ENTHD1: variants seen among roughly 807,000 people sequenced by gnomAD.
ENTHD1 encodes ENTH domain containing 1.
ENTHD1 carries 23 observed loss-of-function variants against 39.1 expected under a neutral mutation model. The observed-to-expected ratio is 0.59, with a 90% CI of 0.42 to 0.83. The LOEUF (loss-of-function observed/expected upper bound fraction) is 0.83. ENTHD1 is among the 40% of genes least tolerant of loss of function. The pLI, the probability that ENTHD1 is intolerant of heterozygous loss-of-function variation, is 0.00. For synonymous variants in ENTHD1, 230 were observed against 258.2 expected (o/e 0.89, Z 1.05); for missense variants, 624 against 705.4 (o/e 0.88, Z 1.31).
At chr22:39,801,762 G>A (rs2065600245) in intron 5 of ENTHD1, among the ~76,000 whole-genome samples, 1 of 151,934 alleles carries the variant, frequency 6.6e-6, no homozygotes, top group African/African-American at 2.4e-5. Flanking sequence ...TTTTAGTAAG[G>A]GACTGGGCAT....
At chr22:39,825,408 T>C (rs1288158807) in intron 4 of ENTHD1, among the ~76,000 whole-genome samples, 2 of 152,202 alleles carry the variant, frequency 1.3e-5, no homozygotes, top group African/African-American at 4.8e-5. Flanking sequence ...AGTTTTCTTT[T>C]TCTGTACCTT....
At chr22:39,842,540 T>C (rs993190891) in intron 3 of ENTHD1, among the ~76,000 whole-genome samples, 6 of 152,192 alleles carry the variant, frequency 3.9e-5, no homozygotes, top group Non-Finnish European at 8.8e-5. Context: ...ATTCAGGACA[T>C]AGGCATGGGC....
chr22:39,849,081 T>C (rs1357496561), intron 3 of ENTHD1, among the ~76,000 whole-genome samples: 2 of 152,182 alleles, frequency 1.3e-5, no homozygotes, highest in African/African-American at 4.8e-5. Flanking sequence ...CCTGCATCCA[T>C]ACCACAGTGT....
At chr22:39,836,074 A>G in intron 3 of ENTHD1, 116 bp from the exon 4 acceptor site, 1 of 644,560 alleles carries the variant, frequency 1.6e-6, no homozygotes, top group Non-Finnish European at 2.6e-6. Context: ...CCTGCTAAAT[A>G]TAAACCATCT....
At chr22:39,813,360 A>C (rs1313655508) in intron 5 of ENTHD1, among the ~76,000 whole-genome samples, 1 of 152,274 alleles carries the variant, frequency 6.6e-6, no homozygotes, top group African/African-American at 2.4e-5. Context: ...ACATAGATGC[A>C]AAACTCCTAA....
rs1215261683 is a variant in ENTHD1 at position 39,841,662 on chromosome 22, C to T, written c.593-5704G>A. On this transcript the variant is annotated intron_variant, in intron 3 of 6. Coordinates refer to ENST00000325157, the MANE Select transcript of ENTHD1 (RefSeq NM_152512.4). ...CGTGAGATGGGTTTCCTGAATACAG[C>T]ACACTGATGGGTCTTGACTCTTTAT... Among the ~76,000 whole-genome samples the T allele has an allele frequency of 3.3e-5, 5 of 150,958 alleles. No homozygotes were observed. The East Asian group carries it at 7.7e-4, about 23-fold the overall frequency.
chr22:39,836,194 ATTTTC>A (rs2065906910), intron 3 of ENTHD1, among the ~76,000 whole-genome samples: 2 of 152,248 alleles, frequency 1.3e-5, no homozygotes, highest in Non-Finnish European at 2.9e-5. Context: ...AAATAAAATT[ATTTTC>A]TTTATATTTG....
chr22:39,755,077 G>T (rs534997067), intron 6 of ENTHD1, among the ~76,000 whole-genome samples: 2 of 152,290 alleles, frequency 1.3e-5, no homozygotes, highest in Admixed American at 6.5e-5. Flanking sequence ...TGTGTTTGCT[G>T]CTGGGGATGC....
chr22:39,887,332 C>G (rs2066386560), intron 2 of ENTHD1, 68 bp downstream of exon 2: 3 of 1,384,230 alleles, frequency 2.2e-6, no homozygotes, highest in Non-Finnish European at 2.0e-6. Flanking sequence ...CCACCTCAGC[C>G]TCCCATGCAC....
intron 5 of ENTHD1, among the ~76,000 whole-genome samples, chr22:39,809,761 T>C (rs2146630247): frequency 6.6e-6 from 1 of 152,230 alleles, no homozygotes; most frequent in African/African-American, 2.4e-5. Context: ...GATGGTGCAA[T>C]GGAATTGGGT....
chr22:39,765,775 G>C (rs1025645849), intron 5 of ENTHD1, among the ~76,000 whole-genome samples, 166 bp from the exon 6 acceptor site: 2 of 151,698 alleles, frequency 1.3e-5, no homozygotes, highest in African/African-American at 4.8e-5. Flanking sequence ...CCTATTTAAA[G>C]TACACCCAAG....
chr22:39,876,105 T>C (rs888608474), intron 2 of ENTHD1: 1 of 1,603,280 alleles, frequency 6.2e-7, no homozygotes, highest in Admixed American at 1.7e-5. Context: ...GATATGGTGA[T>C]TGTTGGTTAG....
At chr22:39,822,737 A>C (rs2065793218) in intron 4 of ENTHD1, among the ~76,000 whole-genome samples, 1 of 152,194 alleles carries the variant, frequency 6.6e-6, no homozygotes, top group African/African-American at 2.4e-5. Flanking sequence ...ACTACATAGT[A>C]GTAGTATAGC....
chr22:39,815,602 C>T (rs575561231), intron 5 of ENTHD1, among the ~76,000 whole-genome samples: 15 of 152,286 alleles, frequency 9.8e-5, no homozygotes, highest in African/African-American at 3.6e-4. Context: ...ATGTTCATAT[C>T]TAACCGTACG....
rs199770047 is a variant in ENTHD1, at chr22:39,891,610, T to TA, written c.-156+2084dup. 9.4e-4 allele frequency among the ~76,000 whole-genome samples: 141 copies of TA among 149,770 alleles called. 1 individual carries two copies. The highest frequency in any genetic ancestry group is 2.4e-4 in the Non-Finnish European group (16 of 67,286). ...GTGCATACCACCAAGCCTAACTAAT[T>TA]AAAAAAAAAATTTTATTTTTTTTTT... is the stretch of plus-strand genomic sequence containing the variant. On this transcript the variant is annotated intron_variant, in intron 1 of 6. Transcript: ENST00000325157.
chr22:39,793,644 T>C (rs1285225162), intron 5 of ENTHD1, among the ~76,000 whole-genome samples: 1 of 151,532 alleles, frequency 6.6e-6, no homozygotes, highest in Non-Finnish European at 1.5e-5. Flanking sequence ...TTTAGCTCTT[T>C]AATCCGGGGT....
At chr22:39,871,157 G>A (rs1254071402) in intron 2 of ENTHD1, among the ~76,000 whole-genome samples, 5 of 150,638 alleles carry the variant, frequency 3.3e-5, no homozygotes, top group Non-Finnish European at 5.9e-5. Context: ...GCAATGGAGT[G>A]AGAGCCCATC....
chr22:39,805,423 GAGGGTGGCAGA>G (rs2065632668), intron 5 of ENTHD1, among the ~76,000 whole-genome samples: 1 of 152,192 alleles, frequency 6.6e-6, no homozygotes, highest in African/African-American at 2.4e-5. Context: ...TTAGCTGAGC[GAGGGTGGCAGA>G]AGTGAAAGGG....
intron 6 of ENTHD1, among the ~76,000 whole-genome samples, chr22:39,748,646 A>G (rs2065125846): frequency 6.6e-6 from 1 of 151,940 alleles, no homozygotes; most frequent in African/African-American, 2.4e-5. Context: ...GATGGTCTCA[A>G]TCTCCTGACC....
Sources: gnomAD v4.1 joint callset for allele counts (sites outside exome capture counted in the v4.1 genomes callset) on GRCh38, gnomAD v4.1.1 for gene constraint, MANE v1.5 for transcripts, NCBI Gene and HGNC (gene_info 2026-07-23, HGNC 2026-07-21) for gene names.